The following TGFBRAP1 variants were observed in gnomAD, a reference collection of about 807,000 sequenced individuals.
TGFBRAP1 encodes transforming growth factor-beta receptor-associated protein 1.
In TGFBRAP1, 20 loss-of-function variants were observed where a neutral mutation model predicts 83.2. That is an observed-to-expected ratio of 0.24 (90% CI 0.17 to 0.35). The LOEUF (loss-of-function observed/expected upper bound fraction) is 0.35, where lower values mean the gene tolerates loss of function less well. Among genes scored for constraint, TGFBRAP1 ranks in the 10% least tolerant of loss-of-function variants. The pLI is 1.00. For missense variants in TGFBRAP1, 950 were observed against 1,099.4 expected, an observed-to-expected ratio of 0.86 and a Z score of 1.92; for synonymous variants, 415 against 459.8, an observed-to-expected ratio of 0.90 and a Z score of 1.25.
At chr2:105,277,521 T>TGGG in intron 7 of TGFBRAP1, 93 bp downstream of exon 7, 1 of 1,024,650 alleles carries the variant, frequency 9.8e-7, no homozygotes, top group Non-Finnish European at 1.4e-6. Flanking sequence ...GCAAAAGTGG[T>TGGG]CTCTATCAAC....
At chr2:105,311,263 C>T (rs1046078302) in intron 1 of TGFBRAP1, among the ~76,000 whole-genome samples, 2 of 151,824 alleles carry the variant, frequency 1.3e-5, no homozygotes, top group African/African-American at 4.8e-5. Flanking sequence ...GTTATTCAAG[C>T]CTTGCTAAAG....
At chr2:105,302,034 T>TAAAAAAAAAAAAAAAAAAAAAAAA (rs1678315663) in intron 2 of TGFBRAP1, among the ~76,000 whole-genome samples, 1 of 122,074 alleles carries the variant, frequency 8.2e-6, no homozygotes. Flanking sequence ...AAAAAAGGCC[T>TAAAAAAAAAAAAAAAAAAAAAAAA]AGAGATAAGA....
At chr2:105,304,875 G>C (rs78533907) in intron 2 of TGFBRAP1, among the ~76,000 whole-genome samples, 9 of 152,232 alleles carry the variant, frequency 5.9e-5, no homozygotes, top group African/African-American at 2.2e-4. Flanking sequence ...TCACACTCTG[G>C]AAAAGAAAGA....
At chr2:105,325,879 T>G (rs910699331) in intron 1 of TGFBRAP1, among the ~76,000 whole-genome samples, 1 of 152,170 alleles carries the variant, frequency 6.6e-6, no homozygotes, top group African/African-American at 2.4e-5. Flanking sequence ...TTTACTGGCT[T>G]GTACAAAAGT....
At chr2:105,311,696 C>T (rs1187447971) in intron 1 of TGFBRAP1, among the ~76,000 whole-genome samples, 1 of 151,984 alleles carries the variant, frequency 6.6e-6, no homozygotes. Context: ...GTCAGGAGTT[C>T]AAGACCAGCC....
intron 4 of TGFBRAP1, among the ~76,000 whole-genome samples, chr2:105,284,798 A>G (rs6725410): frequency 0.058 from 8,889 of 152,210 alleles, 362 homozygotes; most frequent in African/African-American, 0.11. Context: ...GGGCCGACTC[A>G]TTTCATAATG....
At chr2:105,286,307 C>G in intron 4 of TGFBRAP1, among the ~76,000 whole-genome samples, 1 of 152,088 alleles carries the variant, frequency 6.6e-6, no homozygotes, top group Non-Finnish European at 1.5e-5. Flanking sequence ...CGTCAGATTC[C>G]ACCTAAAAAT....
intron 4 of TGFBRAP1, among the ~76,000 whole-genome samples, chr2:105,287,830 G>A (rs1437303063): frequency 6.6e-6 from 1 of 152,042 alleles, no homozygotes; most frequent in East Asian, 1.9e-4. Flanking sequence ...ATGGAGGGAG[G>A]TGGATAAATC....
At chr2:105,301,700 G>A (rs1204081013) in intron 2 of TGFBRAP1, among the ~76,000 whole-genome samples, 1 of 152,170 alleles carries the variant, frequency 6.6e-6, no homozygotes, top group Admixed American at 6.5e-5. Flanking sequence ...AGCAATACCT[G>A]AAAATATTGA....
chr2:105,282,803 G>A (rs1350577200), intron 5 of TGFBRAP1, among the ~76,000 whole-genome samples: 2 of 149,306 alleles, frequency 1.3e-5, no homozygotes, highest in African/African-American at 4.9e-5. Flanking sequence ...TCCAGCCTGG[G>A]AGACAGAATG....
At position 105,323,269 on chromosome 2, in the gene TGFBRAP1, C is replaced by T. The variant is rs558879425; in HGVS notation, c.-18+6356G>A. 9.9e-5 allele frequency among the ~76,000 whole-genome samples: 15 copies of T among 151,972 alleles called. No homozygotes were observed. The South Asian group carries it at 2.7e-3, about 27-fold the overall frequency. On this transcript the variant is annotated intron_variant, in intron 1 of 11. Coordinates refer to ENST00000393359, the MANE Select transcript of TGFBRAP1 (RefSeq NM_004257.6). ...CAGGTGGTGACTTCAGTAGAGGGGG[C>T]GGGGGGATGTGCTGACACCCACCTC...
chr2:105,311,152 A>AAAAC (rs1206858940), intron 1 of TGFBRAP1, among the ~76,000 whole-genome samples: 28 of 144,294 alleles, frequency 1.9e-4, no homozygotes, highest in African/African-American at 6.9e-4. Flanking sequence ...CTGTAAAAAA[A>AAAAC]AAAAAAAAAC....
At position 105,307,954 on chromosome 2, in the gene TGFBRAP1, G is replaced by A; in HGVS notation, c.348C>T (p.Ile116=). The A allele has an allele frequency of 6.2e-7, 1 of 1,614,242 alleles. No homozygotes were observed. The highest frequency in any genetic ancestry group is 8.5e-7 in the Non-Finnish European group (1 of 1,180,054). The change falls in exon 2 of 12, where the codon ATC becomes ATT. Residue 116 remains isoleucine, a synonymous_variant. Coordinates refer to ENST00000393359, the MANE Select transcript of TGFBRAP1 (RefSeq NM_004257.6). The stretch of plus-strand genomic sequence containing the variant: ...TCAGTGCAAACGTGGCTGCCCCCTT[G>A]ATGCGGGCCCCCGAAGGCACTGGCT... ...NLEPVPSGAR[I]KGAATFALNE... is the part of the protein sequence containing the mutation.
At chr2:105,308,513 C>T (rs1431512192) in intron 1 of TGFBRAP1, among the ~76,000 whole-genome samples, 195 bp from the exon 2 acceptor site, 1 of 152,170 alleles carries the variant, frequency 6.6e-6, no homozygotes, top group African/African-American at 2.4e-5. Flanking sequence ...AAGAAAACCA[C>T]AGACACATAC....
At chr2:105,261,056 G>C (rs115334473), downstream of TGFBRAP1, among the ~76,000 whole-genome samples, 1 of 152,140 alleles carries the variant, frequency 6.6e-6, no homozygotes, top group Non-Finnish European at 1.5e-5. Flanking sequence ...AGTTATATTC[G>C]TTTATAAGCT....
At chr2:105,284,756 GTACCAC>G (rs1224002997) in intron 4 of TGFBRAP1, among the ~76,000 whole-genome samples, 17 of 152,204 alleles carry the variant, frequency 1.1e-4, no homozygotes, top group Non-Finnish European at 1.6e-4. Context: ...TGAACTCACA[GTACCAC>G]CTTTCAGAGC....
At chr2:105,259,274 C>T in the TGFBRAP1 span, among the ~76,000 whole-genome samples, 1 of 152,198 alleles carries the variant, frequency 6.6e-6, no homozygotes, top group African/African-American at 2.4e-5. Flanking sequence ...TGAGGCGCTG[C>T]GCCCCGACTG....
intron 1 of TGFBRAP1, among the ~76,000 whole-genome samples, chr2:105,310,311 G>C (rs1678649738): frequency 6.6e-6 from 1 of 152,080 alleles, no homozygotes; most frequent in African/African-American, 2.4e-5. Context: ...CAAACTACCA[G>C]CTTGCTTCAG....
chr2:105,304,639 T>G (rs978782639), intron 2 of TGFBRAP1, among the ~76,000 whole-genome samples: 3 of 152,126 alleles, frequency 2.0e-5, no homozygotes, highest in African/African-American at 7.2e-5. Context: ...AAAAATTAGC[T>G]GAGCATGGTG....
Sources: gnomAD v4.1 joint callset for allele counts (sites outside exome capture counted in the v4.1 genomes callset) on GRCh38, gnomAD v4.1.1 for gene constraint, MANE v1.5 for transcripts, NCBI Gene and HGNC (gene_info 2026-07-23, HGNC 2026-07-21) for gene names.